The following FAM234A variants were observed in gnomAD, a reference collection of about 807,000 sequenced individuals.
The protein encoded by FAM234A is protein FAM234A.
A neutral mutation model predicts 49.1 loss-of-function variants in FAM234A; 42 were observed. The ratio of observed to expected loss-of-function variants is 0.86; its 90% CI spans 0.67 to 1.11. The LOEUF is 1.11. FAM234A is among the 50% of genes least tolerant of loss of function. FAM234A has a pLI of 0.00. For missense variants in FAM234A, 815 were observed against 745.2 expected (o/e 1.09, Z -1.09); for synonymous variants, 369 against 316.2 (o/e 1.17, Z -1.77).
At chr16:269,040 T>G, downstream of FAM234A, 1 of 1,191,550 alleles carries the variant, frequency 8.4e-7, no homozygotes, top group Non-Finnish European at 1.2e-6. Context: ...GCTGAGCCAA[T>G]GAACCCCCTC....
Position 261,423 on chromosome 16 carries a change from A to T in FAM234A, c.617A>T (p.Asn206Ile). The T allele has an allele frequency of 1.2e-6, 2 of 1,613,356 alleles. No homozygotes were observed. Among genetic ancestry groups the T allele is most frequent in the Non-Finnish European group, 1.7e-6 (2 of 1,179,608 alleles). The change falls in exon 6 of 13, where the codon AAT becomes ATT. Residue 206 changes from asparagine (N) to isoleucine (I), a missense_variant. Transcript: ENST00000399932. The part of the protein sequence containing the change: ...LWNHSSSFSG[N>I]ASILSPLLQV... ...AACCACAGCAGCAGCTTCAGCGGGA[A>T]TGCGTCCATCCTGAGCCCTCTGCTG...
intron 1 of FAM234A, chr16:248,203 TAG>T (rs1051635450): frequency 6.6e-6 from 1 of 152,072 alleles, no homozygotes; most frequent in Non-Finnish European, 1.5e-5. Flanking sequence ...AATGAGCATT[TAG>T]AGAGTTTTTT....
intron 2 of FAM234A, among the ~76,000 whole-genome samples, chr16:250,264 T>G (rs573673192): frequency 6.8e-4 from 103 of 152,334 alleles, no homozygotes; most frequent in African/African-American, 2.4e-3. Context: ...CACACATCCC[T>G]TCCTTGGGGA....
downstream of FAM234A, among the ~76,000 whole-genome samples, chr16:266,720 G>A (rs1295114666): frequency 2.6e-5 from 4 of 152,178 alleles, no homozygotes; most frequent in Non-Finnish European, 4.4e-5. Context: ...GCCAGGAAGC[G>A]GTTCTCTTGT....
intron 1 of FAM234A, among the ~76,000 whole-genome samples, chr16:235,319 C>G (rs781014250): frequency 1.3e-5 from 2 of 152,004 alleles, no homozygotes; most frequent in African/African-American, 4.8e-5. Context: ...AGAGGCGTGT[C>G]CTCTCTCGGG....
rs1289617541 is a variant in FAM234A at position 255,733 on chromosome 16, C to T, written c.268+1052C>T. Among the ~76,000 whole-genome samples the T allele has an allele frequency of 3.3e-5, 5 of 152,128 alleles. No individual in the cohort carries two copies. The East Asian group carries it at 9.6e-4, about 29-fold the overall frequency. On this transcript the variant is annotated intron_variant, in intron 3 of 12. Coordinates refer to ENST00000399932, the MANE Select transcript of FAM234A (RefSeq NM_032039.4). The stretch of plus-strand genomic sequence containing the variant: ...GGCTGGAGTGCAATGGCACAATCTC[C>T]GCTCATCTCAACCGCCACCTCCCAG...
intron 5 of FAM234A, chr16:260,567 C>T (rs773004400): frequency 6.3e-6 from 3 of 478,002 alleles, no homozygotes; most frequent in Admixed American, 4.7e-5. Context: ...CTGTCAGTGC[C>T]CCTAAGCCTG....
intron 1 of FAM234A, among the ~76,000 whole-genome samples, chr16:238,563 G>A (rs1019637024): frequency 7.2e-5 from 11 of 151,862 alleles, no homozygotes; most frequent in Admixed American, 2.0e-4. Flanking sequence ...TCAGGAGATC[G>A]AGACCATCCT....
intron 1 of FAM234A, among the ~76,000 whole-genome samples, chr16:241,474 A>G (rs1333801352): frequency 6.6e-6 from 1 of 152,096 alleles, no homozygotes; most frequent in Non-Finnish European, 1.5e-5. Context: ...CTGTGCTCCC[A>G]GCTACTGGGG....
chr16:259,115 A>G (rs537577597), intron 3 of FAM234A, among the ~76,000 whole-genome samples: 1 of 152,316 alleles, frequency 6.6e-6, no homozygotes, highest in East Asian at 1.9e-4. Flanking sequence ...TTTAGGGCAT[A>G]AAGTTTATCA....
In FAM234A at chr16:262,449, G is replaced by A. The variant is rs777328165; in HGVS notation, c.867G>A (p.Val289=). 6.2e-6 allele frequency: 10 copies of A among 1,610,270 alleles called. No individual in the cohort carries two copies. The highest frequency in any genetic ancestry group is 7.6e-6 in the Non-Finnish European group (9 of 1,178,076). ...PCASSLCGCS[V]KGLYEKVTGS... is the part of the protein sequence containing the mutation. ...CAAGCTCCCTCTGCGGCTGCTCTGT[G>A]AAGGGTCTCTACGAGAAGGTGACCG... The change falls in exon 8 of 13, where the codon GTG becomes GTA. Residue 289 remains valine, a synonymous_variant. Coordinates refer to ENST00000399932, the MANE Select transcript of FAM234A (RefSeq NM_032039.4).
In FAM234A at chr16:262,534, C is replaced by T. The variant is rs766392200; in HGVS notation, c.952C>T (p.Arg318Cys). Residue 318 changes from arginine to cysteine, a missense_variant, in exon 8 of 13, where the codon CGC becomes TGC. Coordinates refer to ENST00000399932, the MANE Select transcript of FAM234A (RefSeq NM_032039.4). ...HWESMLNATTRRMLSHSSGAV... is the reference protein window; with the variant it reads ...HWESMLNATTCRMLSHSSGAV... ...GGAGAGCATGCTCAATGCCACCACC[C>T]GCAGGATGCTTTCCCACAGGTGGGT... is the stretch of plus-strand genomic sequence containing the variant. 4.4e-6 allele frequency: 7 copies of T among 1,607,356 alleles called. No individual in the cohort carries two copies. Among genetic ancestry groups the T allele is most frequent in the South Asian group, 2.2e-5 (2 of 90,424 alleles).
chr16:254,465 G>A lies in FAM234A; in HGVS notation c.52G>A (p.Glu18Lys). ...CGAAATCCACCCCTTGAAAAATGAA[G>A]AAAGAAAATCGCAGGAAAATCTGGG... ...EAEIHPLKNE[E>K]RKSQENLGNP... Residue 18 changes from glutamate (E) to lysine (K), a missense_variant, in exon 3 of 13, where the codon GAA (glutamate) becomes AAA (lysine). Physicochemically the swap from Glu to Lys is moderately conservative, Grantham distance 56. Transcript: ENST00000399932. 6.2e-7 allele frequency: 1 copy of A among 1,614,210 alleles called. No homozygotes were observed. Among genetic ancestry groups the A allele is most frequent in the Admixed American group, 1.7e-5 (1 of 60,016 alleles).
rs1453203638 is a variant in FAM234A at position 263,394 on chromosome 16, T to C, written c.1104T>C (p.His368=). The change falls in exon 9 of 13, where the codon CAT becomes CAC. Residue 368 remains histidine, a synonymous_variant. Coordinates refer to ENST00000399932, the MANE Select transcript of FAM234A (RefSeq NM_032039.4). The part of the protein sequence containing the change: ...LTPRWTPKAA[H]VLRKPIFGRY... ...CTCGCTGGACACCCAAGGCAGCCCA[T>C]GTCCTGAGGTACAGGGTTTCCCCAA... is the stretch of plus-strand genomic sequence containing the variant. 6.2e-7 allele frequency: 1 copy of C among 1,609,818 alleles called. No homozygotes were observed. The highest frequency in any genetic ancestry group is 1.3e-5 in the African/African-American group (1 of 74,934).
chr16:261,361 C>T (rs772741018), intron 5 of FAM234A, 23 bp from the exon 6 acceptor site: 7 of 1,599,212 alleles, frequency 4.4e-6, no homozygotes, highest in Non-Finnish European at 6.0e-6. Flanking sequence ...GGCCACGTTC[C>T]GTGACCGTGT....
intron 1 of FAM234A, among the ~76,000 whole-genome samples, chr16:235,778 G>C (rs1482066352): frequency 6.6e-6 from 1 of 152,148 alleles, no homozygotes; most frequent in Non-Finnish European, 1.5e-5. Context: ...TAAGGATATA[G>C]TACTCCACGA....
At chr16:261,972 T>C in intron 6 of FAM234A, 121 bp from the exon 7 acceptor site, 1 of 843,274 alleles carries the variant, frequency 1.2e-6, no homozygotes, top group Non-Finnish European at 1.5e-6. Flanking sequence ...CTCACGTCCC[T>C]CTCTTCCTGG....
chr16:246,069 G>A (rs1164208797), intron 1 of FAM234A, among the ~76,000 whole-genome samples: 1 of 151,212 alleles, frequency 6.6e-6, no homozygotes, highest in Non-Finnish European at 1.5e-5. Context: ...TGGGTGCGGT[G>A]GTGGGTGTGG....
At chr16:263,107 C>T (rs1038836602) in intron 8 of FAM234A, among the ~76,000 whole-genome samples, 155 bp from the exon 9 acceptor site, 4 of 152,266 alleles carry the variant, frequency 2.6e-5, no homozygotes, top group South Asian at 2.1e-4. Context: ...CATGAGCCAC[C>T]GCGCCCAGCT....
Sources: allele counts gnomAD v4.1 joint callset (sites outside exome capture counted in the v4.1 genomes callset), GRCh38; gene constraint gnomAD v4.1.1; transcripts MANE v1.5; gene names NCBI Gene and HGNC (gene_info 2026-07-23, HGNC 2026-07-21).